The following DLGAP4 variants were observed in gnomAD, a reference collection of about 807,000 sequenced individuals.
The protein encoded by DLGAP4 is disks large-associated protein 4.
DLGAP4 carries 18 observed loss-of-function variants against 86.9 expected under a neutral mutation model. That is an observed-to-expected ratio of 0.21 (90% confidence interval 0.14 to 0.31). The LOEUF (loss-of-function observed/expected upper bound fraction) is 0.31. Ranked by LOEUF, DLGAP4 falls within the 10% of genes least tolerant of loss-of-function variation. DLGAP4 has a pLI of 1.00. For synonymous variants in DLGAP4, 548 were observed against 574.3 expected (o/e 0.95, Z 0.65); for missense variants, 1,085 against 1,362.6 (o/e 0.80, Z 3.21).
chr20:36,516,716 T>C (rs1001209894), intron 10 of DLGAP4, among the ~76,000 whole-genome samples: 1 of 150,806 alleles, frequency 6.6e-6, no homozygotes, highest in African/African-American at 2.4e-5. Context: ...TCCTGGGAAA[T>C]TCACACTATG....
At chr20:36,396,503 T>TAC (rs749088821) in intron 2 of DLGAP4, among the ~76,000 whole-genome samples, 2 of 90,402 alleles carry the variant, frequency 2.2e-5, no homozygotes, top group Non-Finnish European at 4.5e-5. Context: ...ATGCACACCA[T>TAC]ACACACACAC....
chr20:36,342,811 AG>A (rs1487823110), intron 1 of DLGAP4, among the ~76,000 whole-genome samples: 1 of 152,162 alleles, frequency 6.6e-6, no homozygotes, highest in African/African-American at 2.4e-5. Flanking sequence ...CAGTACTGGG[AG>A]GTACCTTATA....
chr20:36,384,041 C>A (rs968133341), intron 2 of DLGAP4, among the ~76,000 whole-genome samples: 3 of 150,342 alleles, frequency 2.0e-5, no homozygotes, highest in Non-Finnish European at 4.4e-5. Flanking sequence ...TTCTCAGGGC[C>A]TTACTAAATG....
chr20:36,365,202 G>A (rs1447280754), intron 1 of DLGAP4, among the ~76,000 whole-genome samples: 1 of 152,214 alleles, frequency 6.6e-6, no homozygotes, highest in African/African-American at 2.4e-5. Flanking sequence ...CCTAGGCCAG[G>A]GCCCTGCGGC....
intron 1 of DLGAP4, among the ~76,000 whole-genome samples, chr20:36,356,773 C>T (rs1244118221): frequency 2.6e-5 from 4 of 152,060 alleles, no homozygotes; most frequent in Non-Finnish European, 5.9e-5. Flanking sequence ...AAATATTCAC[C>T]ATCAGCCTTT....
intron 6 of DLGAP4, among the ~76,000 whole-genome samples, chr20:36,444,931 C>A (rs1415546510): frequency 6.6e-6 from 1 of 151,870 alleles, no homozygotes; most frequent in African/African-American, 2.4e-5. Flanking sequence ...TGAGCCACCA[C>A]GCCTGGACTA....
At chr20:36,358,219 A>C (rs1185065777) in intron 1 of DLGAP4, among the ~76,000 whole-genome samples, 1 of 152,240 alleles carries the variant, frequency 6.6e-6, no homozygotes, top group Non-Finnish European at 1.5e-5. Context: ...CGCATGAGAC[A>C]GTGGATATGA....
rs191199565 is a variant in DLGAP4, at chr20:36,472,413, G to A, written c.1649-24292G>A. On this transcript the variant is annotated intron_variant, in intron 7 of 12. Transcript: ENST00000339266. ...AGCTGCTTGTGGGGCTAAGGCGAAA[G>A]GATCACTTGAGCCCAGGAGGTCAAG... 5.7e-3 allele frequency among the ~76,000 whole-genome samples: 870 copies of A among 151,468 alleles called. 12 individuals are homozygous for A. The highest frequency in any genetic ancestry group is 0.02 in the African/African-American group (839 of 41,158).
intron 10 of DLGAP4, among the ~76,000 whole-genome samples, chr20:36,504,102 C>T (rs1270947413): frequency 6.6e-6 from 1 of 152,232 alleles, no homozygotes; most frequent in East Asian, 1.9e-4. Context: ...ATATATATAA[C>T]ATAAAGTTTA....
At chr20:36,405,924 CT>C (rs1569488128) in intron 2 of DLGAP4, among the ~76,000 whole-genome samples, 2 of 152,104 alleles carry the variant, frequency 1.3e-5, no homozygotes, top group Non-Finnish European at 2.9e-5. Context: ...TGCAGCGATG[CT>C]TCTTCAAAGG....
At chr20:36,317,794 C>T (rs1378233642) in intron 1 of DLGAP4, among the ~76,000 whole-genome samples, 2 of 152,032 alleles carry the variant, frequency 1.3e-5, no homozygotes, top group East Asian at 3.9e-4. Context: ...AGGTGAGCAT[C>T]TCTAGCTGGG....
At chr20:36,499,737 C>T in intron 9 of DLGAP4, 61 bp downstream of exon 9, 1 of 1,421,306 alleles carries the variant, frequency 7.0e-7, no homozygotes, top group Non-Finnish European at 9.8e-7. Context: ...CCGCTCTCAC[C>T]TCTCCTGCTC....
intron 1 of DLGAP4, among the ~76,000 whole-genome samples, chr20:36,352,659 C>T (rs1346332559): frequency 3.3e-5 from 5 of 151,928 alleles, no homozygotes; most frequent in East Asian, 3.9e-4. Flanking sequence ...GAAGGGAAGG[C>T]GGTGAAAATT....
intron 11 of DLGAP4, chr20:36,525,441 G>A: frequency 3.9e-6 from 1 of 256,370 alleles, no homozygotes; most frequent in Non-Finnish European, 7.7e-6. Flanking sequence ...CTTGGGGGTT[G>A]CGTTGTCATG....
Position 36,477,296 on chromosome 20 carries a change from T to C in DLGAP4, c.1649-19409T>C, listed in dbSNP as rs563434690. 2.6e-5 allele frequency among the ~76,000 whole-genome samples: 4 copies of C among 151,858 alleles called. No homozygotes were observed. The East Asian group carries it at 7.8e-4, about 30-fold the overall frequency. The stretch of plus-strand genomic sequence containing the variant: ...TTTTCAGTAGAGAGGGGTTTCACCA[T>C]GTTGGCCAGGCTGGTTTTGAACTCC... On this transcript the variant is annotated intron_variant, in intron 7 of 12. Coordinates refer to ENST00000339266, the MANE Select transcript of DLGAP4 (RefSeq NM_001365621.2).
At chr20:36,523,954 C>T (rs761348909) in intron 10 of DLGAP4, among the ~76,000 whole-genome samples, 4 of 152,324 alleles carry the variant, frequency 2.6e-5, no homozygotes. Flanking sequence ...AGCCACTGTA[C>T]GCAGCCTCTC....
At chr20:36,396,347 A>ATG in intron 2 of DLGAP4, among the ~76,000 whole-genome samples, 1 of 119,320 alleles carries the variant, frequency 8.4e-6, no homozygotes, top group Admixed American at 8.7e-5. Context: ...GCACACACAC[A>ATG]CACACATACC....
intron 7 of DLGAP4, chr20:36,462,589 C>T: frequency 1.9e-6 from 3 of 1,598,224 alleles, no homozygotes; most frequent in Non-Finnish European, 2.6e-6. Context: ...GTCTGGAGCT[C>T]TTGAAGCAAT....
At chr20:36,464,619 GC>G (rs1222144790) in intron 7 of DLGAP4, among the ~76,000 whole-genome samples, 1 of 152,090 alleles carries the variant, frequency 6.6e-6, no homozygotes, top group Admixed American at 6.6e-5. Context: ...GGAGGCCGAG[GC>G]GGGCAGATCA....
Sources: allele counts gnomAD v4.1 joint callset (sites outside exome capture counted in the v4.1 genomes callset), GRCh38; gene constraint gnomAD v4.1.1; transcripts MANE v1.5; gene names NCBI Gene and HGNC (gene_info 2026-07-23, HGNC 2026-07-21).